DAB2IP: variants seen among roughly 807,000 people sequenced by gnomAD.
DAB2IP encodes the protein disabled homolog 2-interacting protein.
In DAB2IP, 28 loss-of-function variants were observed where a neutral mutation model predicts 107.2. That is an observed-to-expected ratio of 0.26 (90% CI 0.19 to 0.36). The LOEUF (loss-of-function observed/expected upper bound fraction) is 0.36, where lower values mean the gene tolerates loss of function less well. DAB2IP is among the 10% of genes least tolerant of loss of function. The pLI, the probability that DAB2IP is intolerant of heterozygous loss-of-function variation, is 1.00. For synonymous variants in DAB2IP, 755 were observed against 706.4 expected (o/e 1.07, Z -1.09); for missense variants, 1,400 against 1,644.7 (o/e 0.85, Z 2.57).
intron 1 of DAB2IP, among the ~76,000 whole-genome samples, chr9:121,605,142 C>T (rs1264597015): frequency 6.6e-6 from 1 of 152,124 alleles, no homozygotes. Flanking sequence ...ACCTCAGCCT[C>T]CCAAGTAGTT....
At chr9:121,783,681 C>G in exon 16 of DAB2IP, 1 of 1,194,992 alleles carries the variant, frequency 8.4e-7, no homozygotes, top group Non-Finnish European at 1.2e-6. Flanking sequence ...TGCACCTGCC[C>G]CGTGTGTGTG....
chr9:121,569,457 T>C (rs1484169958), intron 1 of DAB2IP, among the ~76,000 whole-genome samples: 2 of 152,228 alleles, frequency 1.3e-5, no homozygotes, highest in Admixed American at 6.5e-5. Context: ...TCCCTCTATA[T>C]TGATCAGCTC....
intron 2 of DAB2IP, among the ~76,000 whole-genome samples, chr9:121,679,688 A>G (rs7859310): frequency 0.44 from 66,360 of 151,670 alleles, 14,896 homozygotes; most frequent in African/African-American, 0.53. Context: ...TCTGGGTGGC[A>G]GGAACAGAGA....
At chr9:121,663,499 G>A (rs899247260) in intron 1 of DAB2IP, among the ~76,000 whole-genome samples, 4 of 152,102 alleles carry the variant, frequency 2.6e-5, no homozygotes, top group African/African-American at 9.7e-5. Context: ...TGGATGCTGA[G>A]CCCTCTACAG....
At chr9:121,628,905 G>A (rs925465418) in intron 1 of DAB2IP, among the ~76,000 whole-genome samples, 2 of 152,174 alleles carry the variant, frequency 1.3e-5, no homozygotes, top group African/African-American at 4.8e-5. Context: ...AAAATGTGAT[G>A]ATAACAGTTC....
chr9:121,771,688 G>A lies in DAB2IP; in HGVS notation c.2079-919G>A, dbSNP rs146575026. Among the ~76,000 whole-genome samples the A allele has an allele frequency of 1.5e-4, 23 of 152,260 alleles. No homozygotes were observed. In the East Asian group the frequency reaches 3.1e-3, roughly 20 times the overall value. ...AAAAGACTGACCTGGTGTGTGGCCT[G>A]GGCAGCCAGGCCCCCACTGCTCTCC... On this transcript the variant is annotated intron_variant, in intron 11 of 15. Coordinates refer to ENST00000408936, the Ensembl canonical transcript of DAB2IP.
chr9:121,622,358 T>C (rs568916294), intron 1 of DAB2IP, among the ~76,000 whole-genome samples: 10 of 152,158 alleles, frequency 6.6e-5, no homozygotes, highest in Non-Finnish European at 1.5e-4. Context: ...TGGGAATCTC[T>C]GGGGTCTACA....
At chr9:121,678,508 T>C (rs1828395044) in intron 1 of DAB2IP, among the ~76,000 whole-genome samples, 170 bp from the exon 2 acceptor site, 1 of 152,158 alleles carries the variant, frequency 6.6e-6, no homozygotes, top group Admixed American at 6.5e-5. Flanking sequence ...GGTCATGTGG[T>C]ACTTGTATTT....
At chr9:121,766,810 C>G in intron 9 of DAB2IP, 80 bp downstream of exon 9, 1 of 1,407,110 alleles carries the variant, frequency 7.1e-7, no homozygotes, top group Non-Finnish European at 9.9e-7. Flanking sequence ...TTTCTGCCCC[C>G]AAGCTGAGCA....
At chr9:121,663,367 T>C (rs1249634193) in intron 1 of DAB2IP, among the ~76,000 whole-genome samples, 1 of 152,128 alleles carries the variant, frequency 6.6e-6, no homozygotes, top group Non-Finnish European at 1.5e-5. Context: ...ATGTGTCTCA[T>C]TAGCACCTCT....
chr9:121,597,844 A>T (rs960069231), intron 1 of DAB2IP, among the ~76,000 whole-genome samples: 13 of 152,144 alleles, frequency 8.5e-5, no homozygotes, highest in African/African-American at 3.1e-4. Flanking sequence ...TGCTCCGAAG[A>T]CTTCCACTGA....
intron 6 of DAB2IP, among the ~76,000 whole-genome samples, chr9:121,762,339 C>T (rs938998037): frequency 1.3e-5 from 2 of 152,188 alleles, no homozygotes; most frequent in African/African-American, 4.8e-5. Flanking sequence ...TTCAGGAAGG[C>T]TGCAGTCCTG....
At chr9:121,720,498 C>G (rs929013602) in intron 3 of DAB2IP, among the ~76,000 whole-genome samples, 6 of 152,204 alleles carry the variant, frequency 3.9e-5, no homozygotes, top group Admixed American at 2.0e-4. Context: ...ATTTATTTCC[C>G]TGTTTTCCAA....
At chr9:121,753,491 GC>G (rs1422534664) in intron 3 of DAB2IP, among the ~76,000 whole-genome samples, 1 of 152,212 alleles carries the variant, frequency 6.6e-6, no homozygotes, top group Admixed American at 6.5e-5. Context: ...GACGGCAGAA[GC>G]CCTGAATACA....
At chr9:121,680,093 T>C (rs1828504018) in intron 2 of DAB2IP, among the ~76,000 whole-genome samples, 1 of 152,110 alleles carries the variant, frequency 6.6e-6, no homozygotes, top group South Asian at 2.1e-4. Context: ...GCTCATAAGG[T>C]CAGGGGCTGA....
chr9:121,778,661 C>G (rs888741514), intron 14 of DAB2IP, among the ~76,000 whole-genome samples: 1 of 152,168 alleles, frequency 6.6e-6, no homozygotes, highest in Non-Finnish European at 1.5e-5. Context: ...AGGAGCAGAT[C>G]AAAAGTATTT....
intron 1 of DAB2IP, among the ~76,000 whole-genome samples, chr9:121,656,862 C>T (rs1367891810): frequency 6.6e-6 from 1 of 152,232 alleles, no homozygotes; most frequent in Non-Finnish European, 1.5e-5. Context: ...TGGAGCCCAG[C>T]TCTGCCCACC....
intron 14 of DAB2IP, among the ~76,000 whole-genome samples, chr9:121,778,516 A>G (rs1402607980): frequency 3.3e-5 from 5 of 152,130 alleles, no homozygotes; most frequent in Admixed American, 3.3e-4. Flanking sequence ...CTTGTTTCCT[A>G]TTTGTACCAT....
intron 1 of DAB2IP, among the ~76,000 whole-genome samples, chr9:121,618,089 C>T (rs1469633141): frequency 6.6e-6 from 1 of 152,184 alleles, no homozygotes; most frequent in Non-Finnish European, 1.5e-5. Flanking sequence ...CCCCCTCAAG[C>T]TGGCCAGAGT....
Sources: gnomAD v4.1 joint callset for allele counts (sites outside exome capture counted in the v4.1 genomes callset) on GRCh38, gnomAD v4.1.1 for gene constraint, MANE v1.5 for transcripts, NCBI Gene and HGNC (gene_info 2026-07-23, HGNC 2026-07-21) for gene names.